The following RASAL2 variants were observed in gnomAD, a reference collection of about 807,000 sequenced individuals.
RASAL2 encodes the protein RAS protein activator like 2, also known as ras GTPase-activating protein nGAP.
Under a neutral mutation model 128.9 loss-of-function variants are expected in RASAL2, and 58 were observed. The observed-to-expected ratio is 0.45, with a 90% CI of 0.36 to 0.56. The LOEUF is 0.56. RASAL2 is among the 20% of genes least tolerant of loss of function. The pLI is 0.00. For synonymous variants in RASAL2, 561 were observed against 580.8 expected, an observed-to-expected ratio of 0.97 and a Z score of 0.49; for missense variants, 1,360 against 1,601.6, an observed-to-expected ratio of 0.85 and a Z score of 2.57.
intron 4 of RASAL2, among the ~76,000 whole-genome samples, chr1:178,418,760 C>T (rs973155761): frequency 1.3e-5 from 2 of 152,106 alleles, no homozygotes; most frequent in Admixed American, 1.3e-4. Context: ...ACTATATATC[C>T]CTTCCTCCAT....
chr1:178,458,332 G>T lies in RASAL2; in HGVS notation c.3040G>T (p.Val1014Leu). Residue 1014 changes from valine to leucine, a missense_variant, in exon 14 of 18, where the codon GTG becomes TTG. Transcript: ENST00000367649. The stretch of plus-strand genomic sequence containing the variant: ...TACTGGGCAGGCCCAGATCCGAAAA[G>T]TGGACCAGGGTGGGTTAGGTGCCCG... The part of the protein sequence containing the change: ...NSTGQAQIRK[V>L]DQGGLGARAK... The T allele has an allele frequency of 6.2e-7, 1 of 1,614,230 alleles. No individual in the cohort carries two copies. The highest frequency in any genetic ancestry group is 8.5e-7 in the Non-Finnish European group (1 of 1,180,038).
intron 6 of RASAL2, among the ~76,000 whole-genome samples, chr1:178,440,230 G>A (rs572054301): frequency 7.3e-5 from 11 of 151,650 alleles, no homozygotes; most frequent in East Asian, 3.9e-4. Flanking sequence ...AATTATTAGG[G>A]CTGAGATTTG....
intron 1 of RASAL2, among the ~76,000 whole-genome samples, chr1:178,118,865 TTTTTG>T (rs1231021300): frequency 2.1e-5 from 3 of 141,688 alleles, no homozygotes; most frequent in East Asian, 2.0e-4. Flanking sequence ...GGTTTTTTTT[TTTTTG>T]TTTGTTTGTT....
At chr1:178,413,084 T>C (rs1301881758) in intron 4 of RASAL2, among the ~76,000 whole-genome samples, 1 of 152,022 alleles carries the variant, frequency 6.6e-6, no homozygotes, top group Non-Finnish European at 1.5e-5. Flanking sequence ...AGAGTCTTGC[T>C]CTGTCTCCCA....
intron 4 of RASAL2, chr1:178,412,039 T>A: frequency 2.6e-6 from 1 of 385,066 alleles, no homozygotes; most frequent in Non-Finnish European, 4.8e-6. Flanking sequence ...AAATACTTTC[T>A]GAAAATAAAT....
At chr1:178,405,003 A>G (rs1290577220) in intron 4 of RASAL2, among the ~76,000 whole-genome samples, 1 of 152,172 alleles carries the variant, frequency 6.6e-6, no homozygotes, top group African/African-American at 2.4e-5. Context: ...ATTTTAAAAC[A>G]ACATAGAAAT....
At chr1:178,463,338 T>A (rs1178896551) in intron 14 of RASAL2, among the ~76,000 whole-genome samples, 3 of 152,222 alleles carry the variant, frequency 2.0e-5, no homozygotes, top group Admixed American at 2.0e-4. Context: ...TAATGTTCAA[T>A]AGCCTAATAT....
chr1:178,443,698 T>A (rs1331808408), intron 8 of RASAL2, among the ~76,000 whole-genome samples: 2 of 152,180 alleles, frequency 1.3e-5, no homozygotes, highest in African/African-American at 2.4e-5. Context: ...AATCTATATT[T>A]AGAATAAAAA....
rs533795530 is a variant in RASAL2 at position 178,311,728 on chromosome 1, A to C, written c.457+11610A>C. ...AGATTAGTAGAATACCCCTTGGTGT[A>C]TTTAGCCCAAGAAGAAAGATCTAAG... On this transcript the variant is annotated intron_variant, in intron 3 of 17. Transcript: ENST00000367649. Among the ~76,000 whole-genome samples the C allele has an allele frequency of 6.6e-5, 10 of 152,248 alleles. No homozygotes were observed. In the South Asian group the frequency reaches 1.7e-3, roughly 25 times the overall value.
intron 11 of RASAL2, among the ~76,000 whole-genome samples, chr1:178,454,195 C>CT (rs1677595769): frequency 1.7e-5 from 1 of 60,310 alleles, no homozygotes; most frequent in South Asian, 4.2e-4. Flanking sequence ...AATCCCAGAA[C>CT]TAAAAAAAAA....
intron 1 of RASAL2, among the ~76,000 whole-genome samples, chr1:178,199,336 T>C (rs367749746): frequency 2.6e-5 from 4 of 152,188 alleles, no homozygotes; most frequent in Non-Finnish European, 4.4e-5. Flanking sequence ...CCCAATGAGA[T>C]GAACCAGGTA....
intron 3 of RASAL2, among the ~76,000 whole-genome samples, chr1:178,338,722 CACTT>C (rs1669716547): frequency 6.6e-6 from 1 of 152,162 alleles, no homozygotes; most frequent in African/African-American, 2.4e-5. Context: ...ACTTAGTAAG[CACTT>C]ACTATGTGGC....
chr1:178,468,095 T>C (rs1327272486), intron 17 of RASAL2, among the ~76,000 whole-genome samples: 1 of 152,240 alleles, frequency 6.6e-6, no homozygotes, highest in Non-Finnish European at 1.5e-5. Context: ...GAGCACCTCA[T>C]AGGGACATGT....
intron 1 of RASAL2, among the ~76,000 whole-genome samples, chr1:178,156,194 G>A (rs1361485214): frequency 6.6e-6 from 1 of 152,136 alleles, no homozygotes; most frequent in Non-Finnish European, 1.5e-5. Flanking sequence ...GTATTACTCA[G>A]TATTTGCTGC....
chr1:178,197,240 G>C (rs575085801), intron 1 of RASAL2, among the ~76,000 whole-genome samples: 1 of 152,094 alleles, frequency 6.6e-6, no homozygotes, highest in Admixed American at 6.5e-5. Context: ...GGCAGATCAC[G>C]ATGTCAGGAG....
intron 5 of RASAL2, among the ~76,000 whole-genome samples, chr1:178,424,317 A>G (rs1054169137): frequency 5.3e-5 from 8 of 151,332 alleles, no homozygotes; most frequent in African/African-American, 1.9e-4. Flanking sequence ...ATCTCGGCTC[A>G]TTGCAACCTC....
intron 2 of RASAL2, among the ~76,000 whole-genome samples, chr1:178,286,673 A>C (rs1284394691): frequency 6.6e-6 from 1 of 152,244 alleles, no homozygotes; most frequent in East Asian, 1.9e-4. Flanking sequence ...CAGCCTCCCA[A>C]AGTGCTGGGA....
chr1:178,362,846 C>T (rs557498806), intron 3 of RASAL2, among the ~76,000 whole-genome samples: 1 of 152,116 alleles, frequency 6.6e-6, no homozygotes, highest in Admixed American at 6.5e-5. Context: ...GGATCTCTCT[C>T]TTTTTCAAGG....
intron 1 of RASAL2, among the ~76,000 whole-genome samples, chr1:178,120,104 G>A (rs926146738): frequency 6.6e-6 from 1 of 152,188 alleles, no homozygotes; most frequent in African/African-American, 2.4e-5. Flanking sequence ...GAACTCCAAA[G>A]GCTTGTGTTT....
Sources: allele counts gnomAD v4.1 joint callset (sites outside exome capture counted in the v4.1 genomes callset), GRCh38; gene constraint gnomAD v4.1.1; transcripts MANE v1.5; gene names NCBI Gene and HGNC (gene_info 2026-07-23, HGNC 2026-07-21).